Variants in ROBO2 observed in about 807,000 individuals in gnomAD.
ROBO2 encodes the protein roundabout homolog 2.
Under a neutral mutation model 160.8 loss-of-function variants are expected in ROBO2, and 53 were observed. That is an observed-to-expected ratio of 0.33 (90% CI 0.26 to 0.41). The LOEUF is 0.41. Among genes scored for constraint, ROBO2 ranks in the 10% least tolerant of loss-of-function variants. ROBO2 has a pLI of 1.00. For missense variants in ROBO2, 1,577 were observed against 1,722.4 expected (o/e 0.92, Z 1.49); for synonymous variants, 664 against 611.7 (o/e 1.09, Z -1.26).
intron 2 of ROBO2, among the ~76,000 whole-genome samples, chr3:76,665,195 C>T (rs2091971649): frequency 6.6e-6 from 1 of 152,062 alleles, no homozygotes; most frequent in Admixed American, 6.6e-5. Flanking sequence ...ATTCTATATT[C>T]ATACCTCCAT....
At chr3:76,206,448 A>G (rs1029916764) in intron 2 of ROBO2, among the ~76,000 whole-genome samples, 5 of 138,972 alleles carry the variant, frequency 3.6e-5, no homozygotes, top group African/African-American at 1.2e-4. Context: ...GAATATGGAA[A>G]ATCAAAAAGG....
Position 76,429,332 on chromosome 3 carries a change from C to T in ROBO2, c.109+491730C>T, listed in dbSNP as rs141726137. Among the ~76,000 whole-genome samples, 14 of 152,212 alleles carry T rather than the reference C, an allele frequency of 9.2e-5. No homozygotes were observed. The East Asian group carries it at 2.7e-3, about 29-fold the overall frequency. ...GGGTAAAAAGCGACAAAAGGAATAGCTGTGTTCTAACATTTGTGGAAAACC... is the reference window on the plus strand; with the variant it reads ...GGGTAAAAAGCGACAAAAGGAATAGTTGTGTTCTAACATTTGTGGAAAACC... On this transcript the variant is annotated intron_variant, in intron 2 of 26. Transcript: ENST00000487694.
intron 2 of ROBO2, among the ~76,000 whole-genome samples, chr3:76,393,644 T>C (rs1477985385): frequency 6.6e-6 from 1 of 152,166 alleles, no homozygotes; most frequent in African/African-American, 2.4e-5. Flanking sequence ...GACACAATAG[T>C]TGAACTTGAT....
At position 77,013,564 on chromosome 3, in the gene ROBO2, T is replaced by C. The variant is rs544035458; in HGVS notation, c.110-84450T>C. Among the ~76,000 whole-genome samples the C allele has an allele frequency of 1.6e-4, 24 of 152,258 alleles. No homozygotes were observed. In the South Asian group the frequency reaches 1.7e-3, roughly 11 times the overall value. On this transcript the variant is annotated intron_variant, in intron 2 of 26. Transcript: ENST00000487694. ...TCTGACCGTCATTAAAGGAAATGAA[T>C]CCTGTAGGTAGAAACAGCCTAGATA...
chr3:76,831,098 G>T (rs1460380499), intron 2 of ROBO2, among the ~76,000 whole-genome samples: 2 of 152,124 alleles, frequency 1.3e-5, no homozygotes, highest in Non-Finnish European at 2.9e-5. Flanking sequence ...ATCACAGTTT[G>T]CTAGGTCTTC....
chr3:77,027,630 T>G (rs2149534301), intron 2 of ROBO2, among the ~76,000 whole-genome samples: 1 of 152,354 alleles, frequency 6.6e-6, no homozygotes, highest in Non-Finnish European at 1.5e-5. Context: ...GTCAGTATGG[T>G]ACTTTATTGA....
intron 2 of ROBO2, among the ~76,000 whole-genome samples, chr3:76,758,900 A>AT (rs1481222927): frequency 2.0e-5 from 3 of 151,852 alleles, no homozygotes; most frequent in African/African-American, 4.8e-5. Flanking sequence ...TGATAGATGT[A>AT]TATAACACTG....
intron 2 of ROBO2, among the ~76,000 whole-genome samples, chr3:76,312,783 G>A (rs1033694825): frequency 5.9e-5 from 9 of 152,230 alleles, no homozygotes; most frequent in Non-Finnish European, 7.4e-5. Context: ...AATTTCCTGC[G>A]TTAAACTTAA....
chr3:76,757,067 A>G (rs2061016381), intron 2 of ROBO2, among the ~76,000 whole-genome samples: 1 of 151,768 alleles, frequency 6.6e-6, no homozygotes, highest in African/African-American at 2.4e-5. Flanking sequence ...AGTGCTTTGG[A>G]TTTTGCAATC....
intron 2 of ROBO2, among the ~76,000 whole-genome samples, chr3:76,887,127 ATTTAT>A (rs901031582): frequency 2.9e-5 from 4 of 138,618 alleles, no homozygotes; most frequent in African/African-American, 1.1e-4. Flanking sequence ...ATTTTATTGT[ATTTAT>A]TTTATTTTGT....
intron 2 of ROBO2, among the ~76,000 whole-genome samples, chr3:76,752,759 G>T (rs1164910210): frequency 6.6e-6 from 1 of 151,832 alleles, no homozygotes; most frequent in Admixed American, 6.6e-5. Flanking sequence ...ATGCATTAAA[G>T]AGTTGAATAT....
At chr3:76,698,477 G>T (rs550966100) in intron 2 of ROBO2, among the ~76,000 whole-genome samples, 3 of 152,238 alleles carry the variant, frequency 2.0e-5, no homozygotes, top group Non-Finnish European at 4.4e-5. Context: ...TCAAGCTACC[G>T]ACCTGATGGT....
intron 2 of ROBO2, among the ~76,000 whole-genome samples, chr3:76,758,730 C>T (rs2061130940): frequency 6.6e-6 from 1 of 151,728 alleles, no homozygotes; most frequent in Non-Finnish European, 1.5e-5. Context: ...CACAATAGAC[C>T]ATCACGTCTG....
At chr3:76,160,480 T>C (rs1435981719) in intron 2 of ROBO2, among the ~76,000 whole-genome samples, 1 of 152,174 alleles carries the variant, frequency 6.6e-6, no homozygotes, top group Non-Finnish European at 1.5e-5. Flanking sequence ...TTAGGACATG[T>C]ACAAGATGAT....
intron 2 of ROBO2, among the ~76,000 whole-genome samples, chr3:77,134,989 C>T (rs570069247): frequency 2.0e-5 from 3 of 152,244 alleles, no homozygotes; most frequent in East Asian, 1.9e-4. Flanking sequence ...GTTTGCAGGA[C>T]GGCAGGTAAA....
chr3:76,989,461 T>C (rs540325835), intron 2 of ROBO2, among the ~76,000 whole-genome samples: 1 of 152,240 alleles, frequency 6.6e-6, no homozygotes, highest in Admixed American at 6.5e-5. Context: ...TTATAGTCTC[T>C]GTAAGTAGTT....
intron 1 of ROBO2, among the ~76,000 whole-genome samples, chr3:75,933,458 C>T (rs992979114): frequency 4.0e-5 from 6 of 151,864 alleles, no homozygotes; most frequent in African/African-American, 1.5e-4. Flanking sequence ...ATAAGCATTT[C>T]AGTAAAGAGG....
intron 2 of ROBO2, among the ~76,000 whole-genome samples, chr3:76,986,083 A>G (rs2060363959): frequency 6.6e-6 from 1 of 152,212 alleles, no homozygotes. Context: ...TTGAAACTTC[A>G]TATGTTATGT....
intron 2 of ROBO2, among the ~76,000 whole-genome samples, chr3:76,024,679 T>C (rs2066680653): frequency 6.6e-6 from 1 of 151,584 alleles, no homozygotes; most frequent in Non-Finnish European, 1.5e-5. Context: ...AAAAATGAAT[T>C]AGTAATAATG....
Sources: gnomAD v4.1 joint callset for allele counts (sites outside exome capture counted in the v4.1 genomes callset) on GRCh38, gnomAD v4.1.1 for gene constraint, MANE v1.5 for transcripts, NCBI Gene and HGNC (gene_info 2026-07-23, HGNC 2026-07-21) for gene names.